The following POLR2J variants were observed in gnomAD, a reference collection of about 807,000 sequenced individuals.
POLR2J encodes the protein RNA polymerase II subunit J, also known as DNA-directed RNA polymerase II subunit RPB11-a.
A neutral mutation model predicts 13.4 loss-of-function variants in POLR2J; 12 were observed. That is an observed-to-expected ratio of 0.90 (90% CI 0.57 to 1.45). The LOEUF is 1.45. POLR2J is among the 40% of genes most tolerant of loss of function. POLR2J has a pLI of 0.00. For synonymous variants in POLR2J, 31 were observed against 53.6 expected (o/e 0.58, Z 1.84); for missense variants, 58 against 132.0 (o/e 0.44, Z 2.75).
chr7:102,473,295 C>G lies in POLR2J; in HGVS notation c.*354G>C, dbSNP rs932266721. The G allele has an allele frequency of 5.2e-6, 3 of 580,862 alleles. No homozygotes were observed. The highest frequency in any genetic ancestry group is 8.9e-6 in the Non-Finnish European group (3 of 338,462). 36.0% of individuals were successfully genotyped at this position (580,862 alleles called of 1,614,324 possible). ...GCTCATGGGTTTGCACACTTCTCTC[C>G]GGCTCAGCACAGCCCCCGCAGCAGC... is the stretch of plus-strand genomic sequence containing the variant. On this transcript the variant is annotated 3_prime_UTR_variant, in exon 4 of 4. Transcript: ENST00000292614.
In POLR2J at chr7:102,474,551, G is replaced by C. The variant is rs10258107; in HGVS notation, c.144-16C>G. ...TAGGAGTTGTCTGAGGTCAGGGACAGACAGTGTGAGGGTCTAGCCTCATGC... is the reference window on the plus strand; with the variant it reads ...TAGGAGTTGTCTGAGGTCAGGGACACACAGTGTGAGGGTCTAGCCTCATGC... On this transcript the variant is annotated splice_polypyrimidine_tract_variant and intron_variant, in intron 2 of 3. Transcript: ENST00000292614. 3.3e-3 allele frequency: 3,962 copies of C among 1,203,230 alleles called. 449 individuals carry two copies. The African/African-American group carries it at 0.051, about 16-fold the overall frequency. The allele number at this position is 1,203,230 out of a possible 1,614,324, so 74.5% of individuals were successfully genotyped here.
intron 3 of POLR2J, 132 bp downstream of exon 3, chr7:102,474,229 A>G (rs1781503229): frequency 2.5e-6 from 4 of 1,576,160 alleles, no homozygotes; most frequent in South Asian, 1.1e-5. Context: ...CCTGTGGTGG[A>G]AGTCCCTGCT....
chr7:102,474,158 AT>A (rs1798339515), intron 3 of POLR2J: 1 of 1,534,096 alleles, frequency 6.5e-7, no homozygotes, highest in Non-Finnish European at 8.8e-7. Context: ...CAGAAGTCCC[AT>A]GGGGCAGACG....
intron 3 of POLR2J, chr7:102,474,107 C>T (rs1798335870): frequency 6.8e-7 from 1 of 1,477,652 alleles, no homozygotes; most frequent in Non-Finnish European, 9.0e-7. Flanking sequence ...AGGTCCCCGC[C>T]CCGATCTGGC....
At chr7:102,475,591 G>A (rs550789974) in intron 2 of POLR2J, among the ~76,000 whole-genome samples, 91 of 152,346 alleles carry the variant, frequency 6.0e-4, no homozygotes, top group African/African-American at 1.9e-3. Context: ...CTACTGTGCT[G>A]GAATCTGCTG....
chr7:102,478,762 G>C (rs756190246), intron 1 of POLR2J, 46 bp downstream of exon 1: 1 of 1,607,810 alleles, frequency 6.2e-7, no homozygotes, highest in African/African-American at 1.3e-5. Context: ...GAATGCGACA[G>C]CCGCAGGCCC....
intron 1 of POLR2J, among the ~76,000 whole-genome samples, chr7:102,476,786 CCTTT>C (rs1182509996): frequency 9.5e-6 from 1 of 105,042 alleles, no homozygotes; most frequent in Non-Finnish European, 2.0e-5. Context: ...CTGAATTCCT[CCTTT>C]TTTTTTTCCG....
chr7:102,478,587 C>G (rs1413394185), intron 1 of POLR2J, among the ~76,000 whole-genome samples: 8 of 151,340 alleles, frequency 5.3e-5, no homozygotes, highest in African/African-American at 1.9e-4. Context: ...TTCCTGTGTC[C>G]GGGGCAACTT....
intron 1 of POLR2J, among the ~76,000 whole-genome samples, chr7:102,477,342 G>A (rs201421582): frequency 0.092 from 9,369 of 101,836 alleles, 2,415 homozygotes; most frequent in East Asian, 0.53. Flanking sequence ...TCTGGAGGTG[G>A]GGCACAGGGA....
Position 102,473,320 on chromosome 7 carries a change from C to A in POLR2J, c.*329G>T. 1 of 566,900 alleles carries A rather than the reference C, an allele frequency of 1.8e-6. No individual in the cohort carries two copies. Among genetic ancestry groups the A allele is most frequent in the African/African-American group, 1.9e-5 (1 of 53,266 alleles). 35.1% of individuals were successfully genotyped at this position (566,900 alleles called of 1,614,324 possible). A position where few individuals can be genotyped will look rare whatever the true frequency, so the allele number is the denominator to read the frequency against. On this transcript the variant is annotated 3_prime_UTR_variant, in exon 4 of 4. Transcript: ENST00000292614. ...CGGCTCAGCACAGCCCCCGCAGCAG[C>A]CCCTGGACCCCGGATCTTTGGTCCA... is the stretch of plus-strand genomic sequence containing the variant.
At position 102,473,658 on chromosome 7, in the gene POLR2J, TC is replaced by T; in HGVS notation, c.344del (p.Gly115GlufsTer91). On this transcript the variant is annotated frameshift_variant, in exon 4 of 4. Transcript: ENST00000292614. LOFTEE classifies it high-confidence loss of function. ...GAGCCCCCTCTGGCCCCTACTCAAT[TC>T]CTTCCTGCTTGTCTTTTATGGCCAC... is the stretch of plus-strand genomic sequence containing the variant. ...FRVAIKDKQE[G>X]IE 1 of 1,613,828 alleles carries T rather than the reference TC, an allele frequency of 6.2e-7. No individual in the cohort carries two copies. The highest frequency in any genetic ancestry group is 1.7e-4 in the Middle Eastern group (1 of 6,056).
rs1210974024 is a variant in POLR2J at position 102,473,978 on chromosome 7, G to T, written c.319-294C>A. The T allele has an allele frequency of 2.1e-6, 3 of 1,434,110 alleles. No individual in the cohort carries two copies. The African/African-American group carries it at 4.3e-5, about 21-fold the overall frequency. The allele number at this position is 1,434,110 out of a possible 1,614,324, so 88.8% of individuals were successfully genotyped here. On this transcript the variant is annotated intron_variant, in intron 3 of 3. Coordinates refer to ENST00000292614, the MANE Select transcript of POLR2J (RefSeq NM_006234.6). Reference sequence around the variant, plus strand: ...CCTCTAAACTGTTCTAGATTCCCATGCGCCCTGCCAGGAACAGGTGTGGGC... The same window carrying T: ...CCTCTAAACTGTTCTAGATTCCCATTCGCCCTGCCAGGAACAGGTGTGGGC...
rs1254506212 is a variant in POLR2J at position 102,473,351 on chromosome 7, A to C, written c.*298T>G. The C allele has an allele frequency of 3.5e-6, 2 of 565,142 alleles. No homozygotes were observed. The highest frequency in any genetic ancestry group is 6.1e-6 in the Non-Finnish European group (2 of 328,668). The allele number at this position is 565,142 out of a possible 1,614,324, so 35.0% of individuals were successfully genotyped here. ...GACCCCGGATCTTTGGTCCAGAATGAATTCATCCCTGCCAGCCGGACGCCC... is the reference window on the plus strand; with the variant it reads ...GACCCCGGATCTTTGGTCCAGAATGCATTCATCCCTGCCAGCCGGACGCCC... On this transcript the variant is annotated 3_prime_UTR_variant, in exon 4 of 4. Coordinates refer to ENST00000292614, the MANE Select transcript of POLR2J (RefSeq NM_006234.6).
intron 1 of POLR2J, 27 bp downstream of exon 1, chr7:102,478,781 C>A (rs988270546): frequency 3.7e-6 from 6 of 1,609,504 alleles, no homozygotes; most frequent in Non-Finnish European, 4.2e-6. Context: ...CCGCGCACCT[C>A]GGCCCGCCGC....
At chr7:102,474,284 G>C in intron 3 of POLR2J, 77 bp downstream of exon 3, 9 of 1,610,276 alleles carry the variant, frequency 5.6e-6, no homozygotes, top group South Asian at 1.1e-5. Flanking sequence ...GAAGAAACAG[G>C]CCAGGGCTGT....
At chr7:102,478,552 T>A (rs1482400521) in intron 1 of POLR2J, among the ~76,000 whole-genome samples, 1 of 151,740 alleles carries the variant, frequency 6.6e-6, no homozygotes, top group Non-Finnish European at 1.5e-5. Flanking sequence ...CCAGACACTC[T>A]GGGTTCGAAT....
At chr7:102,477,977 GC>G (rs1798472660) in intron 1 of POLR2J, among the ~76,000 whole-genome samples, 1 of 122,250 alleles carries the variant, frequency 8.2e-6, no homozygotes, top group Non-Finnish European at 1.8e-5. Context: ...AGCGCACCTG[GC>G]CAGATCCCTT....
At chr7:102,478,741 G>C (rs1798499022) in intron 1 of POLR2J, 67 bp downstream of exon 1, 2 of 1,600,802 alleles carry the variant, frequency 1.2e-6, no homozygotes, top group African/African-American at 1.3e-5. Context: ...AGATGGGCAG[G>C]AGACACCCCA....
intron 3 of POLR2J, chr7:102,473,903 G>A: frequency 1.4e-6 from 2 of 1,437,550 alleles, no homozygotes; most frequent in Non-Finnish European, 1.8e-6. Flanking sequence ...GAGGCTTCCT[G>A]GTGAGCAGAC....
Sources: gnomAD v4.1 joint callset for allele counts (sites outside exome capture counted in the v4.1 genomes callset) on GRCh38, gnomAD v4.1.1 for gene constraint, MANE v1.5 for transcripts, NCBI Gene and HGNC (gene_info 2026-07-23, HGNC 2026-07-21) for gene names.